Variants in NLGN1 observed in about 807,000 individuals in gnomAD.
NLGN1 encodes neuroligin-1.
NLGN1 carries 12 observed loss-of-function variants against 65.5 expected under a neutral mutation model. That is an observed-to-expected ratio of 0.18 (90% CI 0.12 to 0.30). The LOEUF is 0.30. Among genes scored for constraint, NLGN1 ranks in the 10% least tolerant of loss-of-function variants. The probability of loss-of-function intolerance (pLI) is 1.00; values close to 1 mark genes in which losing one functional copy is unlikely to be tolerated. For missense variants in NLGN1, 750 were observed against 1,007.1 expected (o/e 0.74, Z 3.46); for synonymous variants, 350 against 359.5 (o/e 0.97, Z 0.30).
intron 4 of NLGN1, among the ~76,000 whole-genome samples, chr3:173,836,423 A>ACT (rs1723645215): frequency 6.6e-6 from 1 of 152,100 alleles, no homozygotes; most frequent in Non-Finnish European, 1.5e-5. Flanking sequence ...TACTACTACT[A>ACT]ATAATAATAG....
chr3:173,768,524 T>A (rs553168579), intron 3 of NLGN1, among the ~76,000 whole-genome samples: 65 of 152,276 alleles, frequency 4.3e-4, no homozygotes, highest in African/African-American at 1.5e-3. Flanking sequence ...ACTCTTGAAA[T>A]GGTCACCATT....
At chr3:173,475,276 A>G (rs1343995960) in intron 2 of NLGN1, among the ~76,000 whole-genome samples, 2 of 151,742 alleles carry the variant, frequency 1.3e-5, no homozygotes, top group Non-Finnish European at 2.9e-5. Context: ...AGTTATTCAT[A>G]TATGCTTTAA....
intron 2 of NLGN1, among the ~76,000 whole-genome samples, chr3:173,471,620 T>G (rs1725329580): frequency 6.6e-6 from 1 of 152,102 alleles, no homozygotes; most frequent in African/African-American, 2.4e-5. Flanking sequence ...ACTGGGGGGT[T>G]AGGATATTGA....
chr3:173,766,629 G>A (rs975283950), intron 3 of NLGN1, among the ~76,000 whole-genome samples: 10 of 152,210 alleles, frequency 6.6e-5, no homozygotes, highest in Non-Finnish European at 1.5e-4. Context: ...TTGGAAACAG[G>A]ACGAGGTTAA....
chr3:174,036,440 T>C (rs76328678), intron 4 of NLGN1, among the ~76,000 whole-genome samples: 5,396 of 152,210 alleles, frequency 0.035, 133 homozygotes, highest in Non-Finnish European at 0.054. Context: ...ATCAATAGTG[T>C]AATTCTAACT....
chr3:173,632,832 G>A (rs1755900275), intron 3 of NLGN1, among the ~76,000 whole-genome samples: 1 of 130,522 alleles, frequency 7.7e-6, no homozygotes. Context: ...TCCTCCTTGA[G>A]TAGTGTTTTT....
chr3:173,978,529 A>G lies in NLGN1; in HGVS notation c.646+170697A>G, dbSNP rs144604405. On this transcript the variant is annotated intron_variant, in intron 4 of 6. Coordinates refer to ENST00000457714, the Ensembl canonical transcript of NLGN1. The stretch of plus-strand genomic sequence containing the variant: ...AGGATAAGGGGGCTTAGCATCTGGA[A>G]TTGAGAGACTTCAGTATTTAAGGAG... 7.3e-4 allele frequency among the ~76,000 whole-genome samples: 111 copies of G among 152,146 alleles called. 1 individual carries two copies. Among genetic ancestry groups the G allele is most frequent in the Non-Finnish European group, 8.7e-4 (59 of 67,996 alleles).
rs141824362 is a variant in NLGN1, at chr3:174,012,188, C to G, written c.646+204356C>G. ...ACTTGGAATGGCCCTGCACAGGCCT[C>G]CAAGGTGTCCCTTACCACCCATCTC... On this transcript the variant is annotated intron_variant, in intron 4 of 6. Transcript: ENST00000457714. Among the ~76,000 whole-genome samples the G allele has an allele frequency of 3.3e-5, 5 of 152,264 alleles. No individual in the cohort carries two copies. The East Asian group carries it at 9.7e-4, about 29-fold the overall frequency.
chr3:174,247,609 A>G lies in NLGN1; in HGVS notation c.647-27706A>G, dbSNP rs142031184. 4.3e-4 allele frequency among the ~76,000 whole-genome samples: 66 copies of G among 152,326 alleles called. No individual in the cohort carries two copies. In the East Asian group the frequency reaches 5.2e-3, roughly 12 times the overall value. ...CCTTTAACTTTACTTACAGTTATCT[A>G]TAGCCTCTTGGTAGTTGACAACTGT... On this transcript the variant is annotated intron_variant, in intron 4 of 6. Transcript: ENST00000457714.
At chr3:173,812,283 C>T (rs766272202) in intron 4 of NLGN1, among the ~76,000 whole-genome samples, 12 of 152,122 alleles carry the variant, frequency 7.9e-5, no homozygotes, top group Non-Finnish European at 1.8e-4. Context: ...TTAAAACAAG[C>T]TTTTGTTAAC....
chr3:174,209,214 G>T (rs879335609), intron 4 of NLGN1, among the ~76,000 whole-genome samples: 7 of 152,084 alleles, frequency 4.6e-5, no homozygotes, highest in African/African-American at 1.4e-4. Flanking sequence ...GTGAACCACC[G>T]TGCCCGACCT....
chr3:174,104,017 T>C (rs140370915), intron 4 of NLGN1, among the ~76,000 whole-genome samples: 2 of 152,248 alleles, frequency 1.3e-5, no homozygotes, highest in African/African-American at 4.8e-5. Context: ...TCTTCTCACC[T>C]CATAGAGTAA....
At chr3:173,820,231 A>G (rs2150527997) in intron 4 of NLGN1, among the ~76,000 whole-genome samples, 1 of 151,502 alleles carries the variant, frequency 6.6e-6, no homozygotes, top group South Asian at 2.1e-4. Context: ...CCTTTACCTC[A>G]ATACCAGTGG....
chr3:174,010,927 A>G (rs1166591623), intron 4 of NLGN1, among the ~76,000 whole-genome samples: 16 of 152,150 alleles, frequency 1.1e-4, no homozygotes, highest in Admixed American at 1.0e-3. Context: ...TTCTTGCCCC[A>G]TTCAATTACT....
chr3:174,174,092 G>A (rs879367131), intron 4 of NLGN1, among the ~76,000 whole-genome samples: 4 of 151,914 alleles, frequency 2.6e-5, no homozygotes, highest in Non-Finnish European at 5.9e-5. Context: ...TATTCCATTC[G>A]TGAGTTACTT....
intron 3 of NLGN1, among the ~76,000 whole-genome samples, chr3:173,679,558 G>A (rs1352687418): frequency 6.6e-6 from 1 of 152,092 alleles, no homozygotes; most frequent in Non-Finnish European, 1.5e-5. Flanking sequence ...TCATGAGTTA[G>A]GTTGGAGAAG....
intron 3 of NLGN1, among the ~76,000 whole-genome samples, chr3:173,681,565 C>A (rs914499545): frequency 6.6e-6 from 1 of 152,168 alleles, no homozygotes; most frequent in African/African-American, 2.4e-5. Context: ...ACTCCCTACC[C>A]CTCAGGGAGA....
chr3:173,796,798 G>A (rs1343011748), intron 3 of NLGN1, among the ~76,000 whole-genome samples: 1 of 152,098 alleles, frequency 6.6e-6, no homozygotes, highest in Non-Finnish European at 1.5e-5. Context: ...TTAGAATGTT[G>A]TTAATAACTG....
chr3:173,995,327 C>A (rs1238065439), intron 4 of NLGN1, among the ~76,000 whole-genome samples: 1 of 152,206 alleles, frequency 6.6e-6, no homozygotes, highest in Non-Finnish European at 1.5e-5. Context: ...TGTAGACTGG[C>A]TTTCTTTCCT....
Sources: gnomAD v4.1 joint callset for allele counts (sites outside exome capture counted in the v4.1 genomes callset) on GRCh38, gnomAD v4.1.1 for gene constraint, MANE v1.5 for transcripts, NCBI Gene and HGNC (gene_info 2026-07-23, HGNC 2026-07-21) for gene names.